PDE3B: variants seen among roughly 807,000 people sequenced by gnomAD.
PDE3B encodes the protein phosphodiesterase 3B.
In PDE3B, 66 loss-of-function variants were observed where a neutral mutation model predicts 116.8. That is an observed-to-expected ratio of 0.56 (90% confidence interval 0.46 to 0.69). The LOEUF is 0.69. Among genes scored for constraint, PDE3B ranks in the 30% least tolerant of loss-of-function variants. The pLI, the probability that PDE3B is intolerant of heterozygous loss-of-function variation, is 0.00. For synonymous variants in PDE3B, 595 were observed against 533.6 expected, an observed-to-expected ratio of 1.12 and a Z score of -1.59; for missense variants, 1,384 against 1,368.1, an observed-to-expected ratio of 1.01 and a Z score of -0.18.
intron 1 of PDE3B, among the ~76,000 whole-genome samples, chr11:14,701,711 G>A (rs1001760916): frequency 6.6e-5 from 10 of 151,206 alleles, no homozygotes; most frequent in Non-Finnish European, 1.0e-4. Context: ...CTATAGTTAT[G>A]TCATGAATTT....
chr11:14,760,256 C>A (rs1457307782), intron 1 of PDE3B, among the ~76,000 whole-genome samples: 1 of 151,946 alleles, frequency 6.6e-6, no homozygotes, highest in Admixed American at 6.6e-5. Context: ...TAGATGTTAG[C>A]TATTATTAGT....
intron 1 of PDE3B, among the ~76,000 whole-genome samples, chr11:14,659,102 C>T (rs571763663): frequency 6.6e-6 from 1 of 152,274 alleles, no homozygotes; most frequent in South Asian, 2.1e-4. Flanking sequence ...GCAGGGGAAG[C>T]TTACTTAGGT....
intron 5 of PDE3B, among the ~76,000 whole-genome samples, chr11:14,805,808 T>C (rs1365358590): frequency 6.6e-6 from 1 of 151,942 alleles, no homozygotes; most frequent in African/African-American, 2.4e-5. Flanking sequence ...TAAAAAGTGT[T>C]GATGGGTCAA....
chr11:14,669,396 G>T (rs1283798516), intron 1 of PDE3B, among the ~76,000 whole-genome samples: 1 of 152,066 alleles, frequency 6.6e-6, no homozygotes, highest in Non-Finnish European at 1.5e-5. Context: ...GAGTCTCCTG[G>T]GGCACTGAAC....
At chr11:14,846,609 GACAC>G (rs1357066881) in intron 12 of PDE3B, among the ~76,000 whole-genome samples, 1 of 152,070 alleles carries the variant, frequency 6.6e-6, no homozygotes, top group Non-Finnish European at 1.5e-5. Context: ...CATGTGCAGA[GACAC>G]ACATAGGCTC....
intron 1 of PDE3B, among the ~76,000 whole-genome samples, chr11:14,769,780 A>G (rs1857588388): frequency 6.8e-6 from 1 of 147,856 alleles, no homozygotes; most frequent in African/African-American, 2.5e-5. Flanking sequence ...GCTACGAACC[A>G]TTTTAATTTT....
At chr11:14,663,656 A>T (rs1316441493) in intron 1 of PDE3B, among the ~76,000 whole-genome samples, 1 of 152,190 alleles carries the variant, frequency 6.6e-6, no homozygotes, top group Admixed American at 6.5e-5. Context: ...ACCAACAAAG[A>T]TCAAAAGAGA....
At chr11:14,656,177 T>C (rs1383200315) in intron 1 of PDE3B, among the ~76,000 whole-genome samples, 1 of 152,156 alleles carries the variant, frequency 6.6e-6, no homozygotes, top group African/African-American at 2.4e-5. Context: ...TTTACTGGTG[T>C]CATTAGCTAA....
intron 12 of PDE3B, among the ~76,000 whole-genome samples, chr11:14,846,018 A>G (rs1040960589): frequency 3.3e-5 from 5 of 152,088 alleles, no homozygotes; most frequent in African/African-American, 9.7e-5. Context: ...GAGAAGAGCA[A>G]CTCCAAGACT....
intron 1 of PDE3B, among the ~76,000 whole-genome samples, chr11:14,725,197 G>T (rs1032419808): frequency 6.6e-6 from 1 of 152,108 alleles, no homozygotes; most frequent in African/African-American, 2.4e-5. Context: ...CTAGTAAATA[G>T]CACCACCATT....
chr11:14,717,914 A>T (rs1236623026), intron 1 of PDE3B, among the ~76,000 whole-genome samples: 1 of 141,972 alleles, frequency 7.0e-6, no homozygotes, highest in African/African-American at 2.6e-5. Flanking sequence ...AAATTCACAC[A>T]TAACAATATT....
chr11:14,745,666 T>A (rs557534985), intron 1 of PDE3B, among the ~76,000 whole-genome samples: 42 of 152,320 alleles, frequency 2.8e-4, no homozygotes, highest in African/African-American at 6.7e-4. Context: ...ATATTTTTTT[T>A]ATTTTCCTTC....
rs137936744 is a variant in PDE3B at position 14,644,840 on chromosome 11, T to G, written c.765T>G (p.Ala255=). Residue 255 remains alanine (A), a synonymous_variant, in exon 1 of 16, where the codon GCT becomes GCG. Coordinates refer to ENST00000282096, the MANE Select transcript of PDE3B (RefSeq NM_000922.4). The stretch of plus-strand genomic sequence containing the variant: ...TGCTCTCCGGCCTGGTGGGGGGCGC[T>G]GGCTGCCTGCTGGCCCTGGGGTTGG... The part of the protein sequence containing the change: ...RPLLSGLVGG[A]GCLLALGLDH... The G allele has an allele frequency of 4.9e-4, 785 of 1,612,338 alleles. 4 individuals are homozygous for G. The African/African-American group carries it at 8.7e-3, about 18-fold the overall frequency.
At chr11:14,843,780 A>C in intron 11 of PDE3B, 47 bp from the exon 12 acceptor site, 5 of 1,453,902 alleles carry the variant, frequency 3.4e-6, no homozygotes, top group Non-Finnish European at 4.8e-6. Context: ...AATTGTGAGG[A>C]ATTTATGTGC....
the PDE3B span, among the ~76,000 whole-genome samples, chr11:14,898,690 G>A: frequency 0.018 from 2,767 of 152,136 alleles, 37 homozygotes; most frequent in Non-Finnish European, 0.032. Context: ...TGACTCCTGG[G>A]GCTATGCTCT....
At chr11:14,651,476 A>G (rs1853574045) in intron 1 of PDE3B, among the ~76,000 whole-genome samples, 1 of 152,184 alleles carries the variant, frequency 6.6e-6, no homozygotes. Context: ...AGCTACGTAA[A>G]ATTGAATTGT....
intron 7 of PDE3B, among the ~76,000 whole-genome samples, chr11:14,823,096 C>T (rs768166531): frequency 8.6e-5 from 13 of 152,026 alleles, no homozygotes; most frequent in Non-Finnish European, 1.6e-4. Context: ...GCAGTGGTTC[C>T]GAGCCTCCCT....
chr11:14,803,992 C>T lies in PDE3B; in HGVS notation c.1464C>T (p.Ile488=), dbSNP rs1858845446. ...NGPFNSNLLT[I]PKQRSSSVSL... is the part of the protein sequence containing the mutation. ...CTTTTAATTCAAATCTACTGACTAT[C>T]CCGAAGCAAAGGTCATCTTCTGTAT... Residue 488 remains isoleucine, a synonymous_variant, in exon 5 of 16, where the codon ATC becomes ATT. Transcript: ENST00000282096. 2 of 1,611,472 alleles carry T rather than the reference C, an allele frequency of 1.2e-6. No homozygotes were observed. Among genetic ancestry groups the T allele is most frequent in the African/African-American group, 2.7e-5 (2 of 74,824 alleles).
At chr11:14,879,288 C>T in the PDE3B span, 1 of 1,613,300 alleles carries the variant, frequency 6.2e-7, no homozygotes, top group Non-Finnish European at 8.5e-7. Context: ...ACAACTGCAT[C>T]TTCAGAGGTT....
Sources: gnomAD v4.1 joint callset for allele counts (sites outside exome capture counted in the v4.1 genomes callset) on GRCh38, gnomAD v4.1.1 for gene constraint, MANE v1.5 for transcripts, NCBI Gene and HGNC (gene_info 2026-07-23, HGNC 2026-07-21) for gene names.